Variants in RSU1 observed in about 807,000 individuals in gnomAD.
RSU1 encodes Ras suppressor protein 1.
In RSU1, 26 loss-of-function variants were observed where a neutral mutation model predicts 31.1. That is an observed-to-expected ratio of 0.84 (90% CI 0.61 to 1.16). RSU1 has a LOEUF of 1.16. Among genes scored for constraint, RSU1 ranks in the 50% most tolerant of loss-of-function variants. RSU1 has a pLI of 0.00. For missense variants in RSU1, 320 were observed against 339.1 expected, an observed-to-expected ratio of 0.94 and a Z score of 0.44; for synonymous variants, 164 against 136.3, an observed-to-expected ratio of 1.20 and a Z score of -1.41.
At chr10:16,703,487 T>C (rs760411496) in intron 7 of RSU1, among the ~76,000 whole-genome samples, 12 of 152,232 alleles carry the variant, frequency 7.9e-5, no homozygotes, top group Non-Finnish European at 1.3e-4. Flanking sequence ...CAATGATTTA[T>C]GAATACAGAT....
chr10:16,806,269 C>T (rs565948600), intron 2 of RSU1, among the ~76,000 whole-genome samples: 4 of 152,250 alleles, frequency 2.6e-5, no homozygotes, highest in African/African-American at 9.6e-5. Flanking sequence ...AGAACATGAC[C>T]GGGTGGCCAC....
At chr10:16,738,338 C>T (rs1475059318) in intron 7 of RSU1, among the ~76,000 whole-genome samples, 2 of 152,116 alleles carry the variant, frequency 1.3e-5, no homozygotes, top group African/African-American at 4.8e-5. Flanking sequence ...GTAGTCCCAG[C>T]TACTCAGGAG....
At chr10:16,795,245 T>TG (rs1277750715) in intron 2 of RSU1, among the ~76,000 whole-genome samples, 1 of 147,416 alleles carries the variant, frequency 6.8e-6, no homozygotes, top group Non-Finnish European at 1.5e-5. Flanking sequence ...TCCCAGCTAC[T>TG]GGGGAGGCTG....
In RSU1 at chr10:16,752,802, G is replaced by A. The variant is rs1837006388; in HGVS notation, c.483+116C>T. On this transcript the variant is annotated intron_variant, in intron 6 of 8. Transcript: ENST00000345264. ...GCGGATAATCAAGAAACACTATCAG[G>A]AGTAGTGGTTTATTCCCACAAAACA... The A allele has an allele frequency of 1.1e-5, 11 of 1,033,522 alleles. No individual in the cohort carries two copies. In the Admixed American group the frequency reaches 1.8e-4, roughly 17 times the overall value. 64.0% of individuals were successfully genotyped at this position (1,033,522 alleles called of 1,614,324 possible).
intron 2 of RSU1, among the ~76,000 whole-genome samples, chr10:16,799,464 G>A (rs751232086): frequency 1.3e-5 from 2 of 151,996 alleles, no homozygotes; most frequent in Non-Finnish European, 2.9e-5. Context: ...GGTAACTGCC[G>A]AATTGCCAGA....
intron 8 of RSU1, among the ~76,000 whole-genome samples, chr10:16,681,078 CAAAGAGA>C (rs1835321262): frequency 6.6e-6 from 1 of 152,124 alleles, no homozygotes; most frequent in African/African-American, 2.4e-5. Flanking sequence ...TGGAGAAAAA[CAAAGAGA>C]AAAGGTTGAC....
At position 16,782,097 on chromosome 10, in the gene RSU1, G is replaced by GAA. The variant is rs374156595; in HGVS notation, c.110-15_110-14dup. The GAA allele has an allele frequency of 7.7e-5, 96 of 1,240,178 alleles. No individual in the cohort carries two copies. The highest frequency in any genetic ancestry group is 8.0e-5 in the Non-Finnish European group (74 of 922,858). 76.8% of individuals were successfully genotyped at this position (1,240,178 alleles called of 1,614,324 possible). A position where few individuals can be genotyped will look rare whatever the true frequency, so the allele number is the denominator to read the frequency against. ...TGGGATAAGGTAACTAAAAAGAAAA[G>GAA]AAAAAAAAAAAGGTCAGTCAGTAAA... On this transcript the variant is annotated splice_polypyrimidine_tract_variant and intron_variant, in intron 2 of 8. Transcript: ENST00000345264.
chr10:16,776,968 G>T (rs974821920), intron 3 of RSU1, among the ~76,000 whole-genome samples: 3 of 151,698 alleles, frequency 2.0e-5, no homozygotes, highest in African/African-American at 4.8e-5. Flanking sequence ...ACCCAGGCTG[G>T]AGTGCAGTAG....
chr10:16,754,341 C>T (rs1258413958), intron 5 of RSU1, among the ~76,000 whole-genome samples: 3 of 152,118 alleles, frequency 2.0e-5, no homozygotes, highest in Non-Finnish European at 4.4e-5. Context: ...AAAGTGTGTT[C>T]ACCTGTGGCC....
chr10:16,815,351 A>G (rs182950760), intron 2 of RSU1, among the ~76,000 whole-genome samples: 15 of 152,288 alleles, frequency 9.8e-5, no homozygotes, highest in African/African-American at 3.6e-4. Flanking sequence ...CAATAGCATC[A>G]ACTCCAACCT....
chr10:16,722,949 T>C (rs1252947608), intron 7 of RSU1: 1 of 150,238 alleles, frequency 6.7e-6, no homozygotes, highest in African/African-American at 2.4e-5. Context: ...CATATATGTA[T>C]ATATACACAC....
chr10:16,758,356 A>G (rs1264724322), intron 4 of RSU1, among the ~76,000 whole-genome samples: 1 of 152,162 alleles, frequency 6.6e-6, no homozygotes, highest in East Asian at 1.9e-4. Context: ...CCCTCCCTCC[A>G]GCAGGTGCTA....
intron 7 of RSU1, among the ~76,000 whole-genome samples, chr10:16,728,597 A>G (rs546039440): frequency 6.6e-6 from 1 of 152,288 alleles, no homozygotes; most frequent in South Asian, 2.1e-4. Context: ...CTCCCCAAAT[A>G]TATTTCTGTC....
At chr10:16,643,895 T>TGA (rs1564297145) in intron 8 of RSU1, among the ~76,000 whole-genome samples, 4 of 150,934 alleles carry the variant, frequency 2.7e-5, no homozygotes, top group African/African-American at 9.8e-5. Context: ...GTGAAGATTT[T>TGA]TTTTTTTAAA....
At chr10:16,716,711 A>G (rs1190333813) in intron 7 of RSU1, among the ~76,000 whole-genome samples, 1 of 152,170 alleles carries the variant, frequency 6.6e-6, no homozygotes, top group Non-Finnish European at 1.5e-5. Context: ...GAGTCTGACC[A>G]TGATCTAGAT....
intron 5 of RSU1, 65 bp from the exon 6 acceptor site, chr10:16,753,065 A>G (rs1837012761): frequency 3.2e-6 from 4 of 1,260,392 alleles, no homozygotes; most frequent in South Asian, 2.4e-5. Flanking sequence ...GGTCTGATCA[A>G]TACGAGGGAG....
chr10:16,604,780 G>C (rs564617973), intron 8 of RSU1, among the ~76,000 whole-genome samples: 1 of 152,274 alleles, frequency 6.6e-6, no homozygotes, highest in African/African-American at 2.4e-5. Context: ...CTCAGTCTTA[G>C]GTCCATCAGG....
At chr10:16,749,775 G>T (rs1301265996) in intron 7 of RSU1, among the ~76,000 whole-genome samples, 1 of 152,220 alleles carries the variant, frequency 6.6e-6, no homozygotes, top group African/African-American at 2.4e-5. Flanking sequence ...TTGCTCACAT[G>T]CCGGCAAAGC....
chr10:16,780,731 G>GAATC (rs1299838401), intron 3 of RSU1, among the ~76,000 whole-genome samples: 1 of 152,168 alleles, frequency 6.6e-6, no homozygotes, highest in African/African-American at 2.4e-5. Flanking sequence ...AACAGACCAT[G>GAATC]AATCCCTTCT....
Sources: allele counts gnomAD v4.1 joint callset (sites outside exome capture counted in the v4.1 genomes callset), GRCh38; gene constraint gnomAD v4.1.1; transcripts MANE v1.5; gene names NCBI Gene and HGNC (gene_info 2026-07-23, HGNC 2026-07-21).